The following RBFOX1 variants were observed in gnomAD, a reference collection of about 807,000 sequenced individuals.
The protein encoded by RBFOX1 is RNA binding fox-1 homolog 1.
A neutral mutation model predicts 57.7 loss-of-function variants in RBFOX1; 8 were observed. The observed-to-expected ratio is 0.14, with a 90% confidence interval of 0.08 to 0.25. The LOEUF (loss-of-function observed/expected upper bound fraction) is 0.25. Among genes scored for constraint, RBFOX1 ranks in the 10% least tolerant of loss-of-function variants. RBFOX1 has a pLI of 1.00. For synonymous variants in RBFOX1, 326 were observed against 222.4 expected (o/e 1.47, Z -4.15); for missense variants, 611 against 548.5 (o/e 1.11, Z -1.14).
chr16:6,491,569 C>G (rs1354622929), intron 2 of RBFOX1, among the ~76,000 whole-genome samples: 1 of 152,178 alleles, frequency 6.6e-6, no homozygotes, highest in Non-Finnish European at 1.5e-5. Context: ...TAGAATTGCA[C>G]ATCATTATCC....
At chr16:7,165,923 C>T (rs887874450) in intron 4 of RBFOX1, among the ~76,000 whole-genome samples, 6 of 124,984 alleles carry the variant, frequency 4.8e-5, no homozygotes, top group African/African-American at 1.6e-4. Context: ...TGCACCCCAC[C>T]GCATGCACAT....
intron 2 of RBFOX1, among the ~76,000 whole-genome samples, chr16:6,325,038 C>T (rs1030269497): frequency 6.6e-6 from 1 of 152,090 alleles, no homozygotes; most frequent in Non-Finnish European, 1.5e-5. Context: ...ATTTGATCTA[C>T]ATTCATGGGT....
At chr16:7,184,836 T>C (rs887892446) in intron 4 of RBFOX1, among the ~76,000 whole-genome samples, 6 of 152,176 alleles carry the variant, frequency 3.9e-5, no homozygotes, top group Non-Finnish European at 8.8e-5. Flanking sequence ...CCTTGCCCTT[T>C]AGGTGTGTTT....
At chr16:5,926,500 T>A (rs2058944043) in intron 4 of RBFOX1, among the ~76,000 whole-genome samples, 1 of 152,128 alleles carries the variant, frequency 6.6e-6, no homozygotes, top group Admixed American at 6.5e-5. Context: ...GGTCCAGACC[T>A]CACAATCATT....
intron 1 of RBFOX1, among the ~76,000 whole-genome samples, chr16:5,268,902 C>T (rs976077435): frequency 1.3e-5 from 2 of 149,178 alleles, no homozygotes; most frequent in Admixed American, 6.9e-5. Context: ...CTAACCAACA[C>T]TTGTTATTTT....
intron 2 of RBFOX1, among the ~76,000 whole-genome samples, chr16:6,322,213 C>A (rs1282010797): frequency 6.6e-6 from 1 of 152,170 alleles, no homozygotes; most frequent in African/African-American, 2.4e-5. Context: ...GTCTTCATAC[C>A]TAAAGCCACC....
rs13333584 is a variant in RBFOX1 at position 7,105,837 on chromosome 16, A to G, written c.27+53739A>G. On this transcript the variant is annotated intron_variant, in intron 4 of 15. Transcript: ENST00000550418. ...GGTTCTTTATCCACTCATTTGATTG[A>G]TGGGCATTTGCGTTGGAGGAACCAT... 4.7e-3 allele frequency among the ~76,000 whole-genome samples: 716 copies of G among 152,228 alleles called. 7 individuals are homozygous for G. Among genetic ancestry groups the G allele is most frequent in the African/African-American group, 0.016 (681 of 41,540 alleles).
intron 3 of RBFOX1, among the ~76,000 whole-genome samples, chr16:7,007,010 T>C (rs941573205): frequency 6.6e-6 from 1 of 152,194 alleles, no homozygotes; most frequent in Non-Finnish European, 1.5e-5. Context: ...CAAATACATA[T>C]GATCTCACGG....
At chr16:5,355,807 G>C (rs1266842867) in intron 1 of RBFOX1, among the ~76,000 whole-genome samples, 1 of 152,164 alleles carries the variant, frequency 6.6e-6, no homozygotes, top group African/African-American at 2.4e-5. Context: ...AAGAAGGAAA[G>C]AGGCTGGGTG....
At chr16:7,446,252 AAGG>A (rs1323878313) in intron 4 of RBFOX1, among the ~76,000 whole-genome samples, 1 of 152,174 alleles carries the variant, frequency 6.6e-6, no homozygotes, top group Non-Finnish European at 1.5e-5. Context: ...AATTGACAGG[AAGG>A]AGGATATTTT....
chr16:6,711,576 C>G (rs1343884266), intron 3 of RBFOX1, among the ~76,000 whole-genome samples: 1 of 152,208 alleles, frequency 6.6e-6, no homozygotes, highest in Admixed American at 6.5e-5. Context: ...CTCTGTCTCT[C>G]CTGACACCAT....
chr16:6,652,222 G>C (rs972140459), intron 2 of RBFOX1, among the ~76,000 whole-genome samples: 1 of 152,056 alleles, frequency 6.6e-6, no homozygotes, highest in Non-Finnish European at 1.5e-5. Flanking sequence ...AGGGCGAGGC[G>C]GGCAGATCAC....
intron 14 of RBFOX1, among the ~76,000 whole-genome samples, chr16:7,692,258 T>C (rs1330196954): frequency 1.3e-5 from 2 of 152,202 alleles, no homozygotes; most frequent in African/African-American, 4.8e-5. Flanking sequence ...GTTTATATTT[T>C]ATTGGTGTAG....
downstream of RBFOX1, among the ~76,000 whole-genome samples, chr16:5,604,331 G>C (rs1784456553): frequency 6.6e-6 from 1 of 152,218 alleles, no homozygotes; most frequent in South Asian, 2.1e-4. Context: ...TCACCAAGCT[G>C]CAGGCAAGGG....
intron 2 of RBFOX1, among the ~76,000 whole-genome samples, chr16:6,651,756 C>T (rs905526664): frequency 6.6e-6 from 1 of 152,166 alleles, no homozygotes; most frequent in African/African-American, 2.4e-5. Flanking sequence ...TACGTACACA[C>T]CCGTGTTCAT....
At chr16:7,644,666 T>G (rs1307976585) in intron 11 of RBFOX1, among the ~76,000 whole-genome samples, 3 of 152,218 alleles carry the variant, frequency 2.0e-5, no homozygotes, top group African/African-American at 7.2e-5. Context: ...GGTCATCTTC[T>G]AGATGTTGGA....
chr16:6,261,534 G>A (rs773193901), intron 1 of RBFOX1, among the ~76,000 whole-genome samples: 7 of 152,174 alleles, frequency 4.6e-5, no homozygotes, highest in Admixed American at 2.0e-4. Context: ...TGAGCCATTT[G>A]CTGGGTCATC....
intron 2 of RBFOX1, among the ~76,000 whole-genome samples, chr16:6,546,089 T>G (rs1044665350): frequency 1.3e-5 from 2 of 152,200 alleles, no homozygotes; most frequent in Non-Finnish European, 2.9e-5. Flanking sequence ...ATTATAATGT[T>G]TTAAGAAAGT....
intron 3 of RBFOX1, among the ~76,000 whole-genome samples, chr16:6,766,403 T>G (rs1197248934): frequency 6.6e-6 from 1 of 152,138 alleles, no homozygotes; most frequent in Non-Finnish European, 1.5e-5. Flanking sequence ...TTATTGTCCC[T>G]GTAGCCTGGG....
Sources: gnomAD v4.1 joint callset for allele counts (sites outside exome capture counted in the v4.1 genomes callset) on GRCh38, gnomAD v4.1.1 for gene constraint, MANE v1.5 for transcripts, NCBI Gene and HGNC (gene_info 2026-07-23, HGNC 2026-07-21) for gene names.